DTD1: variants seen among roughly 807,000 people sequenced by gnomAD.
DTD1 encodes the protein D-tyrosyl-tRNA deacylase 1 homolog.
Under a neutral mutation model 25.6 loss-of-function variants are expected in DTD1, and 13 were observed. That is an observed-to-expected ratio of 0.51 (90% CI 0.33 to 0.81). The LOEUF (loss-of-function observed/expected upper bound fraction) is 0.81, where lower values mean the gene tolerates loss of function less well. Among genes scored for constraint, DTD1 ranks in the 30% least tolerant of loss-of-function variants. The pLI, the probability that DTD1 is intolerant of heterozygous loss-of-function variation, is 0.02. For synonymous variants in DTD1, 110 were observed against 103.6 expected (o/e 1.06, Z -0.37); for missense variants, 193 against 266.4 (o/e 0.72, Z 1.92).
intron 4 of DTD1, among the ~76,000 whole-genome samples, chr20:18,700,044 T>C (rs2145247): frequency 0.83 from 126,209 of 152,140 alleles, 53,468 homozygotes; most frequent in Non-Finnish European, 0.93. Context: ...TAGAATCCCA[T>C]GTTCATTTAG....
intron 4 of DTD1, among the ~76,000 whole-genome samples, chr20:18,686,190 G>A (rs558384737): frequency 6.6e-6 from 1 of 152,326 alleles, no homozygotes; most frequent in East Asian, 1.9e-4. Context: ...CATAGTTTGT[G>A]TCCTCTTTTT....
At chr20:18,711,650 C>A (rs1222736235) in intron 4 of DTD1, among the ~76,000 whole-genome samples, 4 of 152,010 alleles carry the variant, frequency 2.6e-5, no homozygotes, top group Admixed American at 2.6e-4. Flanking sequence ...TTCTCGTGAG[C>A]TGTTCTTACT....
chr20:18,639,668 G>C (rs2060821002), intron 4 of DTD1, among the ~76,000 whole-genome samples: 1 of 152,144 alleles, frequency 6.6e-6, no homozygotes, highest in South Asian at 2.1e-4. Flanking sequence ...CAAAAGAATG[G>C]CATGTCTATG....
intron 4 of DTD1, among the ~76,000 whole-genome samples, chr20:18,722,502 C>A (rs752265469): frequency 2.6e-5 from 4 of 152,204 alleles, no homozygotes; most frequent in Non-Finnish European, 4.4e-5. Flanking sequence ...TGTTTGATAG[C>A]TTTTCTTGAG....
chr20:18,644,684 T>C (rs1472764850), intron 4 of DTD1, among the ~76,000 whole-genome samples: 1 of 151,386 alleles, frequency 6.6e-6, no homozygotes, highest in Non-Finnish European at 1.5e-5. Context: ...GTTCCTTTAC[T>C]TGGCATCAGG....
intron 4 of DTD1, among the ~76,000 whole-genome samples, chr20:18,697,537 C>G (rs2061082951): frequency 6.6e-6 from 1 of 152,112 alleles, no homozygotes; most frequent in African/African-American, 2.4e-5. Context: ...TTGAGCATCC[C>G]TAATAGAAAC....
At chr20:18,646,989 G>C (rs1444304484) in intron 4 of DTD1, among the ~76,000 whole-genome samples, 1 of 152,180 alleles carries the variant, frequency 6.6e-6, no homozygotes, top group Non-Finnish European at 1.5e-5. Context: ...TTTAACTTGA[G>C]CTCAGCAGAA....
At chr20:18,634,458 A>T (rs1568653797) in intron 4 of DTD1, among the ~76,000 whole-genome samples, 1 of 152,238 alleles carries the variant, frequency 6.6e-6, no homozygotes, top group Non-Finnish European at 1.5e-5. Context: ...AGGAGCTAAA[A>T]AAATGAACTT....
intron 4 of DTD1, among the ~76,000 whole-genome samples, chr20:18,663,149 T>C (rs186172773): frequency 1.3e-5 from 2 of 152,290 alleles, no homozygotes; most frequent in East Asian, 3.9e-4. Flanking sequence ...AGGGCTGGCA[T>C]CCAAGTTTCA....
intron 4 of DTD1, chr20:18,632,418 C>T: frequency 1.0e-6 from 1 of 985,446 alleles, no homozygotes; most frequent in Non-Finnish European, 1.2e-6. Flanking sequence ...GCAGAAGCGG[C>T]CTGTGTTAGG....
chr20:18,714,912 G>A (rs77551055), intron 4 of DTD1, among the ~76,000 whole-genome samples: 1 of 152,166 alleles, frequency 6.6e-6, no homozygotes, highest in Non-Finnish European at 1.5e-5. Context: ...CCTGTGTTTG[G>A]TGATATGACA....
chr20:18,634,984 T>G (rs2060801440), intron 4 of DTD1, among the ~76,000 whole-genome samples: 1 of 152,210 alleles, frequency 6.6e-6, no homozygotes. Flanking sequence ...CTAATAACTT[T>G]GCATCTCTTC....
chr20:18,745,441 G>A (rs1879777230), intron 5 of DTD1, among the ~76,000 whole-genome samples: 1 of 152,240 alleles, frequency 6.6e-6, no homozygotes, highest in South Asian at 2.1e-4. Context: ...GGCTCAGGGA[G>A]AAGCATAGGA....
chr20:18,737,842 G>A (rs2061262467), intron 4 of DTD1, among the ~76,000 whole-genome samples: 1 of 152,226 alleles, frequency 6.6e-6, no homozygotes, highest in Non-Finnish European at 1.5e-5. Flanking sequence ...CCAAGGAGCT[G>A]GACCAAGGTT....
chr20:18,647,653 G>C (rs989604039), intron 4 of DTD1, among the ~76,000 whole-genome samples: 1 of 152,128 alleles, frequency 6.6e-6, no homozygotes, highest in Non-Finnish European at 1.5e-5. Flanking sequence ...TGGGGAGGAT[G>C]ATGAGGATGG....
intron 4 of DTD1, among the ~76,000 whole-genome samples, chr20:18,729,492 A>T (rs530428371): frequency 6.6e-6 from 1 of 152,326 alleles, no homozygotes; most frequent in Non-Finnish European, 1.5e-5. Flanking sequence ...AATACTTTTG[A>T]AGAGCACTTC....
rs189740888 is a variant in DTD1, at chr20:18,667,919, G to T, written c.477+39686G>T. Reference sequence around the variant, plus strand: ...TAGGGAGTATCTACCTACCTCAGGTGGGAATGACTTGCGTATCCCAAATGA... The same window carrying T: ...TAGGGAGTATCTACCTACCTCAGGTTGGAATGACTTGCGTATCCCAAATGA... On this transcript the variant is annotated intron_variant, in intron 4 of 5. Transcript: ENST00000377452. Among the ~76,000 whole-genome samples the T allele has an allele frequency of 2.2e-3, 337 of 152,292 alleles. 2 individuals carry two copies. Among genetic ancestry groups the T allele is most frequent in the Non-Finnish European group, 3.9e-3 (266 of 68,028 alleles).
At chr20:18,734,018 G>A (rs369036630) in intron 4 of DTD1, among the ~76,000 whole-genome samples, 4 of 152,320 alleles carry the variant, frequency 2.6e-5, no homozygotes, top group African/African-American at 9.6e-5. Flanking sequence ...CACATAATAT[G>A]AAATTATATC....
At chr20:18,710,340 A>G (rs1405237431) in intron 4 of DTD1, among the ~76,000 whole-genome samples, 4 of 152,266 alleles carry the variant, frequency 2.6e-5, no homozygotes, top group East Asian at 1.9e-4. Flanking sequence ...ATAAAAAATG[A>G]CATTGTATTT....
Sources: gnomAD v4.1 joint callset for allele counts (sites outside exome capture counted in the v4.1 genomes callset) on GRCh38, gnomAD v4.1.1 for gene constraint, MANE v1.5 for transcripts, NCBI Gene and HGNC (gene_info 2026-07-23, HGNC 2026-07-21) for gene names.